The following GDPD4 variants were observed in gnomAD, a reference collection of about 807,000 sequenced individuals.
GDPD4 encodes glycerophosphodiester phosphodiesterase domain containing 4, also known as glycerophosphodiester phosphodiesterase 6.
Under a neutral mutation model 67.8 loss-of-function variants are expected in GDPD4, and 60 were observed. The observed-to-expected ratio is 0.88, with a 90% CI of 0.72 to 1.10. The LOEUF (loss-of-function observed/expected upper bound fraction) is 1.10, where lower values mean the gene tolerates loss of function less well. GDPD4 is among the 50% of genes least tolerant of loss of function. GDPD4 has a pLI of 0.00. For missense variants in GDPD4, 623 were observed against 613.9 expected, an observed-to-expected ratio of 1.01 and a Z score of -0.16; for synonymous variants, 212 against 210.9, an observed-to-expected ratio of 1.00 and a Z score of -0.04.
At chr11:77,249,341 T>G (rs922410734) in intron 11 of GDPD4, among the ~76,000 whole-genome samples, 1 of 151,874 alleles carries the variant, frequency 6.6e-6, no homozygotes, top group Admixed American at 6.6e-5. Flanking sequence ...AGACAAATTG[T>G]TTTTCGAAGC....
At chr11:77,268,800 T>C (rs1959191155) in intron 9 of GDPD4, 124 bp downstream of exon 9, 2 of 1,024,130 alleles carry the variant, frequency 2.0e-6, no homozygotes, top group African/African-American at 1.6e-5. Flanking sequence ...ATGAACTCTT[T>C]ATTCTTGCCA....
In GDPD4 at chr11:77,292,961, ATAAAAAGCCTTGT is replaced by A. The variant is rs1317082793; in HGVS notation, c.-253-5554_-253-5542del. Among the ~76,000 whole-genome samples the A allele has an allele frequency of 5.9e-5, 9 of 152,286 alleles. No homozygotes were observed. The East Asian group carries it at 7.7e-4, about 13-fold the overall frequency. On this transcript the variant is annotated intron_variant, in intron 1 of 16. Coordinates refer to ENST00000315938, the MANE Select transcript of GDPD4 (RefSeq NM_182833.3). ...AAATTGAATTTTACTTAAATTAAAA[ATAAAAAGCCTTGT>A]TAAAAAGCCTTGTTAAACAAGCCTT... is the stretch of plus-strand genomic sequence containing the variant.
intron 1 of GDPD4, among the ~76,000 whole-genome samples, chr11:77,293,769 GC>G (rs1266644825): frequency 2.0e-5 from 3 of 152,076 alleles, no homozygotes; most frequent in African/African-American, 7.2e-5. Context: ...TATATTAAAA[GC>G]CAATAGCTAA....
chr11:77,236,154 T>G lies in GDPD4; in HGVS notation c.1242-2982A>C, dbSNP rs1444287148. Among the ~76,000 whole-genome samples the G allele has an allele frequency of 2.6e-5, 4 of 152,164 alleles. No homozygotes were observed. The East Asian group carries it at 7.7e-4, about 29-fold the overall frequency. On this transcript the variant is annotated intron_variant, in intron 13 of 16. Coordinates refer to ENST00000315938, the MANE Select transcript of GDPD4 (RefSeq NM_182833.3). ...AGATTAATATGTGAACTAAATTTTT[T>G]TTTCAGGTTCACTATTGTTAACCTT...
chr11:77,275,862 G>T (rs905902734), intron 5 of GDPD4, among the ~76,000 whole-genome samples: 1 of 152,206 alleles, frequency 6.6e-6, no homozygotes, highest in Non-Finnish European at 1.5e-5. Context: ...AATGGAATGA[G>T]TGCCTAAGAT....
Position 77,272,735 on chromosome 11 carries a change from C to T in GDPD4, c.208-1342G>A, listed in dbSNP as rs191818723. On this transcript the variant is annotated intron_variant, in intron 5 of 16. Transcript: ENST00000315938. The stretch of plus-strand genomic sequence containing the variant: ...AAGTTGCAGTGAGCTGAGATTGCAC[C>T]ACTGCACTCCAGCCTGAGCAACGGA... Among the ~76,000 whole-genome samples the T allele has an allele frequency of 2.9e-3, 446 of 151,554 alleles. 4 individuals carry two copies. The highest frequency in any genetic ancestry group is 6.8e-3 in the Middle Eastern group (2 of 294).
rs1222948285 is a variant in GDPD4, at chr11:77,243,802, G to C, written c.1133C>G (p.Ala378Gly). ...AHDRQYVRSV[A>G]PGFQHVGRLV... ...ACGGCCCACATGCTGAAAACCAGGA[G>C]CCACGGACCTGACGTATTGCCTATC... The change falls in exon 13 of 17, where the codon GCT becomes GGT. Residue 378 changes from alanine (A) to glycine (G), a missense_variant. Ala to Gly is a moderately conservative substitution (Grantham distance 60). Transcript: ENST00000315938. 1.9e-6 allele frequency: 3 copies of C among 1,613,770 alleles called. No homozygotes were observed. The highest frequency in any genetic ancestry group is 1.7e-4 in the Middle Eastern group (1 of 6,060).
intron 3 of GDPD4, among the ~76,000 whole-genome samples, chr11:77,284,520 A>T (rs1959906455): frequency 6.6e-6 from 1 of 152,162 alleles, no homozygotes. Flanking sequence ...CTTCTCCCCC[A>T]AATACCAAAT....
intron 4 of GDPD4, among the ~76,000 whole-genome samples, chr11:77,277,800 C>A (rs2135880940): frequency 6.6e-6 from 1 of 151,838 alleles, no homozygotes; most frequent in East Asian, 1.9e-4. Context: ...TTTGCTCTTG[C>A]TTCTCTAGTT....
chr11:77,221,908 G>A (rs1006858867), intron 16 of GDPD4, among the ~76,000 whole-genome samples: 3 of 151,948 alleles, frequency 2.0e-5, no homozygotes, highest in African/African-American at 7.3e-5. Context: ...TTATGAATCT[G>A]GGTGCTCCTG....
At chr11:77,219,113 GT>G (rs1205794649) in intron 16 of GDPD4, among the ~76,000 whole-genome samples, 2 of 152,158 alleles carry the variant, frequency 1.3e-5, no homozygotes, top group Non-Finnish European at 2.9e-5. Flanking sequence ...TCTCATTGTG[GT>G]TTTGTTTTGC....
intron 3 of GDPD4, among the ~76,000 whole-genome samples, chr11:77,281,902 G>A (rs1029996105): frequency 6.6e-6 from 1 of 152,052 alleles, no homozygotes; most frequent in African/African-American, 2.4e-5. Context: ...TACGGCACAC[G>A]TAGGGGTTAT....
intron 2 of GDPD4, 191 bp downstream of exon 2, chr11:77,287,027 T>A (rs1439439870): frequency 6.6e-6 from 1 of 151,910 alleles, no homozygotes; most frequent in South Asian, 2.1e-4. Flanking sequence ...AAAAATGAAG[T>A]GAAGGAAAGA....
At chr11:77,218,278 C>A (rs2135814076) in intron 16 of GDPD4, among the ~76,000 whole-genome samples, 1 of 152,182 alleles carries the variant, frequency 6.6e-6, no homozygotes, top group African/African-American at 2.4e-5. Context: ...AATCATATGC[C>A]TTCCCTTGTG....
Position 77,245,517 on chromosome 11 carries a change from A to G in GDPD4, c.865-15T>C. 1.3e-6 allele frequency: 2 copies of G among 1,582,144 alleles called. No individual in the cohort carries two copies. Among genetic ancestry groups the G allele is most frequent in the Middle Eastern group, 1.7e-4 (1 of 5,730 alleles). On this transcript the variant is annotated splice_polypyrimidine_tract_variant and intron_variant, in intron 11 of 16. Coordinates refer to ENST00000315938, the MANE Select transcript of GDPD4 (RefSeq NM_182833.3). ...AATGGCCTGAGCTAGAAACAAATAC[A>G]TCAAAAAATACATAAAAGCACTTTC...
rs1278433516 is a variant in GDPD4, at chr11:77,237,233, A to G, written c.1242-4061T>C. Among the ~76,000 whole-genome samples the G allele has an allele frequency of 3.3e-5, 5 of 152,284 alleles. No homozygotes were observed. The Middle Eastern group carries it at 0.014, about 414-fold the overall frequency. On this transcript the variant is annotated intron_variant, in intron 13 of 16. Coordinates refer to ENST00000315938, the MANE Select transcript of GDPD4 (RefSeq NM_182833.3). ...CACAGAGTACATGTCCAATAAATAAAGATACCTGCACAGCCACAATCAATG... is the reference window on the plus strand; with the variant it reads ...CACAGAGTACATGTCCAATAAATAAGGATACCTGCACAGCCACAATCAATG...
At chr11:77,242,137 C>A (rs1228018262) in intron 13 of GDPD4, among the ~76,000 whole-genome samples, 2 of 151,680 alleles carry the variant, frequency 1.3e-5, no homozygotes, top group African/African-American at 4.8e-5. Context: ...TAACTACAGT[C>A]AATAATAATG....
chr11:77,239,253 C>G (rs4944153), intron 13 of GDPD4, among the ~76,000 whole-genome samples: 52,085 of 152,092 alleles, frequency 0.34, 9,191 homozygotes, highest in Admixed American at 0.46. Context: ...CAATGGTGAA[C>G]AGTCGAAAGC....
chr11:77,222,645 T>G (rs558213354), intron 16 of GDPD4, among the ~76,000 whole-genome samples: 1 of 152,242 alleles, frequency 6.6e-6, no homozygotes, highest in Non-Finnish European at 1.5e-5. Context: ...CCGACCTTTC[T>G]CTCTGGCTGC....
Sources: allele counts gnomAD v4.1 joint callset (sites outside exome capture counted in the v4.1 genomes callset), GRCh38; gene constraint gnomAD v4.1.1; transcripts MANE v1.5; gene names NCBI Gene and HGNC (gene_info 2026-07-23, HGNC 2026-07-21).